Variants in GRM7 observed in about 807,000 individuals in gnomAD.
The protein encoded by GRM7 is metabotropic glutamate receptor 7.
A neutral mutation model predicts 84.5 loss-of-function variants in GRM7; 35 were observed. The observed-to-expected ratio is 0.41, with a 90% CI of 0.32 to 0.55. The LOEUF is 0.55. GRM7 is among the 20% of genes least tolerant of loss of function. The probability of loss-of-function intolerance (pLI) is 0.19; values close to 1 mark genes in which losing one functional copy is unlikely to be tolerated. For synonymous variants in GRM7, 487 were observed against 455.1 expected, an observed-to-expected ratio of 1.07 and a Z score of -0.89; for missense variants, 1,003 against 1,194.6, an observed-to-expected ratio of 0.84 and a Z score of 2.36.
At chr3:7,459,494 T>A (rs769520106) in intron 6 of GRM7, among the ~76,000 whole-genome samples, 1 of 152,030 alleles carries the variant, frequency 6.6e-6, no homozygotes, top group South Asian at 2.1e-4. Flanking sequence ...TTTAATGGAC[T>A]CACAGTTCCA....
intron 4 of GRM7, among the ~76,000 whole-genome samples, chr3:7,356,406 A>T (rs942379636): frequency 6.6e-6 from 1 of 151,488 alleles, no homozygotes; most frequent in South Asian, 2.1e-4. Flanking sequence ...AATTCAAGCG[A>T]TTCTCCTGCC....
At chr3:7,036,277 A>G (rs1696382573) in intron 1 of GRM7, among the ~76,000 whole-genome samples, 1 of 152,222 alleles carries the variant, frequency 6.6e-6, no homozygotes, top group Admixed American at 6.5e-5. Flanking sequence ...AGGAAAGAAT[A>G]AGAAACATCC....
intron 2 of GRM7, among the ~76,000 whole-genome samples, chr3:7,296,874 C>G (rs148137138): frequency 6.6e-6 from 1 of 150,468 alleles, no homozygotes; most frequent in African/African-American, 2.4e-5. Flanking sequence ...GTCTCCAACT[C>G]GTGGGCTTAA....
At chr3:7,136,184 AT>A (rs112649769) in intron 1 of GRM7, among the ~76,000 whole-genome samples, 9,215 of 149,632 alleles carry the variant, frequency 0.062, 638 homozygotes, top group African/African-American at 0.16. Flanking sequence ...ATTTTTATTC[AT>A]TTTTTTTTTC....
In GRM7 at chr3:7,413,585, T is replaced by C. The variant is rs559795948; in HGVS notation, c.1034-1438T>C. Among the ~76,000 whole-genome samples the C allele has an allele frequency of 2.0e-5, 3 of 152,326 alleles. No individual in the cohort carries two copies. The South Asian group carries it at 6.2e-4, about 32-fold the overall frequency. On this transcript the variant is annotated intron_variant, in intron 4 of 9. Coordinates refer to ENST00000357716, the MANE Select transcript of GRM7 (RefSeq NM_000844.4). ...TTTGAAACTGGCTTTGGCTCAGGAC[T>C]ATCAGACTGTGTAGTGGGTTTTACC...
At chr3:7,008,545 T>A (rs1695258439) in intron 1 of GRM7, among the ~76,000 whole-genome samples, 1 of 152,220 alleles carries the variant, frequency 6.6e-6, no homozygotes, top group South Asian at 2.1e-4. Context: ...AATTTGCATC[T>A]CTTCCAACAA....
At chr3:7,213,254 G>T (rs916112697) in intron 2 of GRM7, among the ~76,000 whole-genome samples, 3 of 152,034 alleles carry the variant, frequency 2.0e-5, no homozygotes, top group African/African-American at 7.2e-5. Flanking sequence ...TATGAAAATT[G>T]GATTTGAACA....
chr3:7,200,964 A>ATTTTTTTTTT (rs71625339), intron 2 of GRM7, among the ~76,000 whole-genome samples: 2 of 98,162 alleles, frequency 2.0e-5, no homozygotes, highest in African/African-American at 4.3e-5. Flanking sequence ...ACATTTCAGA[A>ATTTTTTTTTT]TTTTTTTTTT....
chr3:7,172,372 C>T (rs1299884380), intron 2 of GRM7, among the ~76,000 whole-genome samples: 1 of 152,026 alleles, frequency 6.6e-6, no homozygotes, highest in Non-Finnish European at 1.5e-5. Context: ...ATTTCCTAGC[C>T]ATGTATCTAT....
chr3:7,307,785 A>G (rs1183168691), intron 4 of GRM7, among the ~76,000 whole-genome samples: 3 of 152,098 alleles, frequency 2.0e-5, no homozygotes, highest in African/African-American at 7.3e-5. Flanking sequence ...CATTCCTTGC[A>G]CTGGAAAAAC....
intron 4 of GRM7, among the ~76,000 whole-genome samples, chr3:7,385,094 A>G (rs1456853955): frequency 6.6e-6 from 1 of 152,142 alleles, no homozygotes; most frequent in Non-Finnish European, 1.5e-5. Context: ...GCCTCCTTTT[A>G]AAATGTGCGA....
intron 1 of GRM7, among the ~76,000 whole-genome samples, chr3:7,010,451 C>T (rs1480223979): frequency 1.3e-5 from 2 of 152,170 alleles, no homozygotes; most frequent in Non-Finnish European, 2.9e-5. Context: ...AAGACTCCCT[C>T]TCTCTAAAAA....
chr3:7,399,900 A>T (rs955635690), intron 4 of GRM7, among the ~76,000 whole-genome samples: 4 of 152,248 alleles, frequency 2.6e-5, no homozygotes, highest in African/African-American at 9.6e-5. Flanking sequence ...TGAGCCAAAT[A>T]AGCCTTTTTT....
At chr3:6,998,316 C>T (rs1340279115) in intron 1 of GRM7, among the ~76,000 whole-genome samples, 4 of 152,048 alleles carry the variant, frequency 2.6e-5, no homozygotes, top group African/African-American at 9.7e-5. Context: ...CTTGGTCATG[C>T]TGATGCAAGA....
rs1042869115 is a variant in GRM7, at chr3:7,486,914, A to G, written c.1515+25192A>G. ...AAAAAGCCTAGATTCTTGTGAGGAC[A>G]TAGAAGACGAGAATACTAGGGAAAG... is the stretch of plus-strand genomic sequence containing the variant. On this transcript the variant is annotated intron_variant, in intron 7 of 9. Transcript: ENST00000357716. The surrounding 1 kb of genome is among the most constrained non-coding windows in gnomAD (Gnocchi z 5.5). Among the ~76,000 whole-genome samples the G allele has an allele frequency of 2.6e-5, 4 of 152,238 alleles. No homozygotes were observed. Among genetic ancestry groups the G allele is most frequent in the African/African-American group, 9.6e-5 (4 of 41,466 alleles).
At chr3:7,407,313 G>A (rs1467771077) in intron 4 of GRM7, among the ~76,000 whole-genome samples, 1 of 152,120 alleles carries the variant, frequency 6.6e-6, no homozygotes, top group African/African-American at 2.4e-5. Context: ...ATCCTCTAGA[G>A]GGATGGTCAT....
Position 6,969,088 on chromosome 3 carries a change from G to GTT in GRM7, c.519+107190_519+107191dup, listed in dbSNP as rs71307754. Among the ~76,000 whole-genome samples, 242 of 148,872 alleles carry GTT rather than the reference G, an allele frequency of 1.6e-3. 1 individual carries two copies. The highest frequency in any genetic ancestry group is 5.3e-3 in the African/African-American group (214 of 40,478). On this transcript the variant is annotated intron_variant, in intron 1 of 9. Transcript: ENST00000357716. The stretch of plus-strand genomic sequence containing the variant: ...ATCAGGAAGCTCTACAAACCAGGGT[G>GTT]TTTTTTTTTTCTTTCTTGTGAGCCA...
intron 4 of GRM7, among the ~76,000 whole-genome samples, chr3:7,361,766 T>C (rs1315557501): frequency 2.0e-5 from 3 of 152,118 alleles, no homozygotes; most frequent in African/African-American, 7.2e-5. Context: ...AAGCAGCTCT[T>C]GAATGTAAGA....
At chr3:7,182,902 T>TG (rs1381064133) in intron 2 of GRM7, among the ~76,000 whole-genome samples, 3 of 151,430 alleles carry the variant, frequency 2.0e-5, no homozygotes, top group Admixed American at 6.6e-5. Flanking sequence ...AAGTGTTTTT[T>TG]TTTTTTTTTT....
Sources: allele counts gnomAD v4.1 joint callset (sites outside exome capture counted in the v4.1 genomes callset), GRCh38; gene constraint gnomAD v4.1.1; non-coding constraint Gnocchi (gnomAD v3.1); transcripts MANE v1.5; gene names NCBI Gene and HGNC (gene_info 2026-07-23, HGNC 2026-07-21).